The following ERGIC1 variants were observed in gnomAD, a reference collection of about 807,000 sequenced individuals.
ERGIC1 encodes endoplasmic reticulum-golgi intermediate compartment 1.
ERGIC1 carries 19 observed loss-of-function variants against 38.3 expected under a neutral mutation model. The ratio of observed to expected loss-of-function variants is 0.50; its 90% CI spans 0.35 to 0.73. ERGIC1 has a LOEUF of 0.73. Ranked by LOEUF, ERGIC1 falls within the 30% of genes least tolerant of loss-of-function variation. The pLI is 0.01. For synonymous variants in ERGIC1, 124 were observed against 157.6 expected (o/e 0.79, Z 1.60); for missense variants, 294 against 389.2 (o/e 0.76, Z 2.06).
chr5:172,893,488 A>G (rs181058716), intron 2 of ERGIC1, among the ~76,000 whole-genome samples: 196 of 152,072 alleles, frequency 1.3e-3, no homozygotes, highest in Non-Finnish European at 2.6e-3. Context: ...ACAGCATCCA[A>G]TGGGTTGTCG....
At chr5:172,857,912 A>T (rs1356274837) in intron 1 of ERGIC1, among the ~76,000 whole-genome samples, 2 of 151,800 alleles carry the variant, frequency 1.3e-5, no homozygotes, top group Non-Finnish European at 2.9e-5. Context: ...ACACATTTAC[A>T]AATATTTATA....
At chr5:172,892,319 T>C (rs753912573) in intron 2 of ERGIC1, among the ~76,000 whole-genome samples, 6 of 152,078 alleles carry the variant, frequency 3.9e-5, no homozygotes, top group Non-Finnish European at 8.8e-5. Context: ...TCTTTGTCCT[T>C]GAGGAGCACA....
chr5:172,905,576 C>T, intron 3 of ERGIC1: 1 of 387,014 alleles, frequency 2.6e-6, no homozygotes, highest in Non-Finnish European at 5.4e-6. Context: ...GGCACTTAGC[C>T]ACGCAGGAAC....
intron 8 of ERGIC1, 194 bp from the exon 9 acceptor site, chr5:172,934,994 G>A (rs1003468468): frequency 1.5e-6 from 1 of 685,642 alleles, no homozygotes; most frequent in Admixed American, 2.6e-5. Context: ...TATCAAAAAT[G>A]CCCAGCTGTG....
intron 1 of ERGIC1, among the ~76,000 whole-genome samples, chr5:172,841,380 C>T (rs979159972): frequency 6.6e-6 from 1 of 152,156 alleles, no homozygotes; most frequent in African/African-American, 2.4e-5. Flanking sequence ...CCAGGGAAAC[C>T]GACCCTCAGA....
intron 1 of ERGIC1, chr5:172,867,370 C>T (rs1337960542): frequency 7.2e-6 from 3 of 417,256 alleles, no homozygotes; most frequent in Non-Finnish European, 1.5e-5. Flanking sequence ...CCTTGCTTAG[C>T]CCCAGCAATT....
chr5:172,901,383 A>C (rs890924111), intron 3 of ERGIC1, among the ~76,000 whole-genome samples: 1 of 152,170 alleles, frequency 6.6e-6, no homozygotes, highest in African/African-American at 2.4e-5. Flanking sequence ...CTCCTCAGGC[A>C]ACCTGGCCAC....
chr5:172,874,741 C>T (rs1347969818), intron 1 of ERGIC1, among the ~76,000 whole-genome samples: 3 of 151,866 alleles, frequency 2.0e-5, no homozygotes, highest in South Asian at 4.2e-4. Context: ...GCCAGGGCAA[C>T]ATGGCAAAAC....
At chr5:172,893,731 A>C (rs938557491) in intron 2 of ERGIC1, among the ~76,000 whole-genome samples, 2 of 151,304 alleles carry the variant, frequency 1.3e-5, no homozygotes, top group African/African-American at 2.4e-5. Flanking sequence ...TTTGAAATTT[A>C]TCTCTCTGCC....
At chr5:172,949,111 C>G (rs919002784) in intron 9 of ERGIC1, among the ~76,000 whole-genome samples, 6 of 152,178 alleles carry the variant, frequency 3.9e-5, no homozygotes, top group Non-Finnish European at 7.3e-5. Context: ...ATCATCCATG[C>G]TTTGATTCTC....
chr5:172,892,454 C>A (rs535913345), intron 2 of ERGIC1, among the ~76,000 whole-genome samples: 16 of 152,322 alleles, frequency 1.1e-4, no homozygotes, highest in African/African-American at 3.8e-4. Context: ...ATGTTGCCTC[C>A]TCCACTTACG....
chr5:172,943,521 C>T (rs1764056550), intron 9 of ERGIC1, among the ~76,000 whole-genome samples: 3 of 152,206 alleles, frequency 2.0e-5, no homozygotes, highest in Admixed American at 1.3e-4. Context: ...CTCCTCCACA[C>T]GCTTTTAAAG....
rs899852084 is a variant in ERGIC1 at position 172,837,447 on chromosome 5, T to C, written c.20+3014T>C. Among the ~76,000 whole-genome samples the C allele has an allele frequency of 5.9e-5, 9 of 152,230 alleles. No homozygotes were observed. Among genetic ancestry groups the C allele is most frequent in the African/African-American group, 1.7e-4 (7 of 41,464 alleles). ...TCACTTAATTATCATGCTGCTTCTC[T>C]CTCCCTCCCATTAGTACATGAGCTC... On this transcript the variant is annotated intron_variant, in intron 1 of 9. Coordinates refer to ENST00000393784, the MANE Select transcript of ERGIC1 (RefSeq NM_001031711.3). This position sits in a 1 kb window ranked among gnomAD's most constrained non-coding sequence, Gnocchi z 4.3.
chr5:172,905,920 T>C (rs1468555328), intron 3 of ERGIC1: 4 of 373,446 alleles, frequency 1.1e-5, no homozygotes, highest in African/African-American at 4.2e-5. Flanking sequence ...CTTTACCTCC[T>C]GCTTTTAGCC....
rs1340851655 is a variant in ERGIC1, at chr5:172,892,066, T to G, written c.82+3306T>G. On this transcript the variant is annotated intron_variant, in intron 2 of 9. Coordinates refer to ENST00000393784, the MANE Select transcript of ERGIC1 (RefSeq NM_001031711.3). ...AATTACTGGGTTAAAGAGTATGTTT[T>G]TTTTTTTTTTTTTTTTTTTTGAAAC... 7.0e-5 allele frequency among the ~76,000 whole-genome samples: 10 copies of G among 142,324 alleles called. No individual in the cohort carries two copies. In the Middle Eastern group the frequency reaches 0.015, roughly 208 times the overall value. 93.4% of individuals were successfully genotyped at this position (142,324 alleles called of 152,430 possible).
In ERGIC1 at chr5:172,837,599, G is replaced by A. The variant is rs958351586; in HGVS notation, c.20+3166G>A. ...CTGTCAAGGAAGCCATAGACATGAC[G>A]TGACTTGATATGCCAGCTTCAGTGG... On this transcript the variant is annotated intron_variant, in intron 1 of 9. Transcript: ENST00000393784. This position sits in a 1 kb window ranked among gnomAD's most constrained non-coding sequence, Gnocchi z 4.3. Among the ~76,000 whole-genome samples, 4 of 152,180 alleles carry A rather than the reference G, an allele frequency of 2.6e-5. No individual in the cohort carries two copies.
At chr5:172,881,028 C>T (rs372053620) in intron 1 of ERGIC1, among the ~76,000 whole-genome samples, 26 of 152,258 alleles carry the variant, frequency 1.7e-4, no homozygotes, top group South Asian at 6.2e-4. Flanking sequence ...GCAGGCAGAT[C>T]ACCTGAGGTT....
intron 5 of ERGIC1, among the ~76,000 whole-genome samples, chr5:172,923,406 A>G (rs1054533845): frequency 1.3e-5 from 2 of 151,982 alleles, no homozygotes; most frequent in Admixed American, 1.3e-4. Context: ...GTGCTGAAAC[A>G]AGGAGAAGCT....
intron 1 of ERGIC1, among the ~76,000 whole-genome samples, chr5:172,874,707 G>A (rs1315829709): frequency 6.6e-6 from 1 of 151,958 alleles, no homozygotes; most frequent in Non-Finnish European, 1.5e-5. Flanking sequence ...CAGGCAGATT[G>A]CTTGAGCCCA....
Sources: gnomAD v4.1 joint callset for allele counts (sites outside exome capture counted in the v4.1 genomes callset) on GRCh38, gnomAD v4.1.1 for gene constraint, Gnocchi (gnomAD v3.1) non-coding constraint, MANE v1.5 for transcripts, NCBI Gene and HGNC (gene_info 2026-07-23, HGNC 2026-07-21) for gene names.